Variants in NDUFS2 observed in about 807,000 individuals in gnomAD.
The protein encoded by NDUFS2 is NADH dehydrogenase [ubiquinone] iron-sulfur protein 2, mitochondrial.
Under a neutral mutation model 69.6 loss-of-function variants are expected in NDUFS2, and 38 were observed. The ratio of observed to expected loss-of-function variants is 0.55; its 90% CI spans 0.42 to 0.72. The LOEUF (loss-of-function observed/expected upper bound fraction) is 0.72, where lower values mean the gene tolerates loss of function less well. Among genes scored for constraint, NDUFS2 ranks in the 30% least tolerant of loss-of-function variants. NDUFS2 has a pLI of 0.00. For missense variants in NDUFS2, 468 were observed against 595.0 expected (o/e 0.79, Z 2.22); for synonymous variants, 194 against 211.2 (o/e 0.92, Z 0.70).
intron 10 of NDUFS2, 140 bp downstream of exon 10, chr1:161,212,620 T>C: frequency 8.7e-7 from 1 of 1,149,650 alleles, no homozygotes; most frequent in Non-Finnish European, 1.2e-6. Flanking sequence ...CAGACTGGAG[T>C]GCAATCTCGG....
At position 161,203,471 on chromosome 1, in the gene NDUFS2, G is replaced by T. The variant is rs1212665129; in HGVS notation, c.130G>T (p.Ala44Ser). 6.2e-7 allele frequency: 1 copy of T among 1,614,146 alleles called. No homozygotes were observed. The highest frequency in any genetic ancestry group is 1.1e-5 in the South Asian group (1 of 91,074). Residue 44 changes from alanine (A) to serine (S), a missense_variant, in exon 2 of 14, where the codon GCA becomes TCA. Physicochemically the swap from Ala to Ser is moderately conservative, Grantham distance 99 (BLOSUM62 1). Transcript: ENST00000676972. ...VRQWQPDVEWAQQFGGAVMYP... is the reference protein window; with the variant it reads ...VRQWQPDVEWSQQFGGAVMYP... ...GCAGTGGCAGCCAGATGTGGAATGG[G>T]CACAGCAGTTTGGGGGAGCTGTTAT... is the stretch of plus-strand genomic sequence containing the variant.
At chr1:161,208,097 T>C (rs1665574856) in intron 3 of NDUFS2, among the ~76,000 whole-genome samples, 1 of 151,244 alleles carries the variant, frequency 6.6e-6, no homozygotes, top group Admixed American at 6.6e-5. Context: ...CGAGTCTCGT[T>C]CCTCAGCCTC....
chr1:161,202,627 C>G, intron 1 of NDUFS2, 147 bp downstream of exon 1: 2 of 883,162 alleles, frequency 2.3e-6, no homozygotes, highest in Admixed American at 4.0e-5. Flanking sequence ...TGCAGTGGCG[C>G]CCACTCTGGC....
In NDUFS2 at chr1:161,214,305, T is replaced by A. The variant is rs914137783; in HGVS notation, c.*112T>A. On this transcript the variant is annotated 3_prime_UTR_variant, in exon 14 of 14. Transcript: ENST00000676972. The stretch of plus-strand genomic sequence containing the variant: ...TGTGTGTGTGTGTGTGTGTGTATGT[T>A]CATGTACACTTGGCTGTCAGGCTTT... 7.8e-6 allele frequency: 6 copies of A among 767,840 alleles called. No homozygotes were observed. Among genetic ancestry groups the A allele is most frequent in the Admixed American group, 5.3e-5 (2 of 37,900 alleles). The allele number at this position is 767,840 out of a possible 1,614,324, so 47.6% of individuals were successfully genotyped here. A position where few individuals can be genotyped will look rare whatever the true frequency, so the allele number is the denominator to read the frequency against.
intron 10 of NDUFS2, among the ~76,000 whole-genome samples, chr1:161,212,917 T>G (rs1015071760): frequency 2.0e-5 from 3 of 152,026 alleles, no homozygotes; most frequent in Non-Finnish European, 4.4e-5. Context: ...ATTTTTTTAT[T>G]TTTTTTGAGA....
chr1:161,209,740 A>G, intron 5 of NDUFS2, 117 bp from the exon 6 acceptor site: 1 of 1,306,900 alleles, frequency 7.7e-7, no homozygotes. Flanking sequence ...TTATATTTGT[A>G]GAAACTATAT....
rs766896258 is a variant in NDUFS2, at chr1:161,210,317, A to G, written c.794A>G (p.Asn265Ser). 6.8e-6 allele frequency: 11 copies of G among 1,613,868 alleles called. No individual in the cohort carries two copies. In the African/African-American group the frequency reaches 9.3e-5, roughly 14 times the overall value. ...LDELEELLTN[N>S]RIWRNRTIDI... ...CTTGATCAATAGTTGCTGACCAACAATAGGATCTGGCGAAATCGGACAATT... is the reference window on the plus strand; with the variant it reads ...CTTGATCAATAGTTGCTGACCAACAGTAGGATCTGGCGAAATCGGACAATT... Residue 265 changes from asparagine (N) to serine (S), a missense_variant, in exon 8 of 14, where the codon AAT (asparagine) becomes AGT (serine). Coordinates refer to ENST00000676972, the MANE Select transcript of NDUFS2 (RefSeq NM_001377299.1).
intron 1 of NDUFS2, 31 bp from the exon 2 acceptor site, chr1:161,203,406 C>A: frequency 6.3e-7 from 1 of 1,590,128 alleles, no homozygotes. Context: ...TGTTCAGGCC[C>A]TTTGTCTAGG....
At chr1:161,205,201 G>A (rs1476331953) in intron 2 of NDUFS2, among the ~76,000 whole-genome samples, 3 of 152,170 alleles carry the variant, frequency 2.0e-5, no homozygotes, top group Admixed American at 6.5e-5. Flanking sequence ...TCTATTTATA[G>A]CATTATTTTA....
rs1665674855 is a variant in NDUFS2, at chr1:161,209,879, T to C, written c.650T>C (p.Val217Ala). The C allele has an allele frequency of 6.2e-7, 1 of 1,613,746 alleles. No homozygotes were observed. Among genetic ancestry groups the C allele is most frequent in the African/African-American group, 1.3e-5 (1 of 74,782 alleles). Reference sequence around the variant, plus strand: ...AAGATGTTTGAGTTCTACGAGCGAGTGTCTGGAGCCCGAATGCATGCTGCT... The same window carrying C: ...AAGATGTTTGAGTTCTACGAGCGAGCGTCTGGAGCCCGAATGCATGCTGCT... ...REKMFEFYER[V>A]SGARMHAAYI... Residue 217 changes from valine to alanine, a missense_variant, in exon 6 of 14, where the codon GTG (valine) becomes GCG (alanine). Val to Ala is a moderately conservative substitution (Grantham distance 64). Transcript: ENST00000676972.
At chr1:161,210,513 C>G in intron 8 of NDUFS2, 78 bp from the exon 9 acceptor site, 1 of 1,609,374 alleles carries the variant, frequency 6.2e-7, no homozygotes, top group Non-Finnish European at 8.5e-7. Flanking sequence ...GAAGGATCAA[C>G]AAGGGAGGCT....
chr1:161,203,316 A>C, intron 1 of NDUFS2, 121 bp from the exon 2 acceptor site: 1 of 868,178 alleles, frequency 1.2e-6, no homozygotes, highest in Non-Finnish European at 1.9e-6. Flanking sequence ...CAAAAAAAAC[A>C]AAAAACAAAA....
At chr1:161,203,959 C>T in intron 2 of NDUFS2, 1 of 271,864 alleles carries the variant, frequency 3.7e-6, no homozygotes. Flanking sequence ...TAGCCCCTAT[C>T]CTGTTTGCTT....
At chr1:161,199,904 C>T (rs1167293996), upstream of NDUFS2, among the ~76,000 whole-genome samples, 1 of 150,968 alleles carries the variant, frequency 6.6e-6, no homozygotes, top group Non-Finnish European at 1.5e-5. Context: ...CTTCCTGACT[C>T]CCCATTTCCC....
rs1665187103 is a variant in NDUFS2 at position 161,202,437 on chromosome 1, C to T, written c.52C>T (p.Leu18=). 6.2e-7 allele frequency: 1 copy of T among 1,612,736 alleles called. No individual in the cohort carries two copies. The highest frequency in any genetic ancestry group is 1.3e-5 in the African/African-American group (1 of 74,924). Residue 18 remains leucine (L), a synonymous_variant, in exon 1 of 14, where the codon CTG becomes TTG. Transcript: ENST00000676972. ...CTTCCGGGGCGTCGCGGCCCAGGTG[C>T]TGCGGCCTGGGGCTGGAGTCCGATT... ...CGFRGVAAQV[L]RPGAGVRLPI...
At chr1:161,197,539 C>T (rs895244904), upstream of NDUFS2, 2 of 165,938 alleles carry the variant, frequency 1.2e-5, no homozygotes, top group Admixed American at 1.2e-4. Flanking sequence ...TGCAGTTTGC[C>T]ACAGTGATTT....
intron 13 of NDUFS2, 35 bp downstream of exon 13, chr1:161,213,956 A>G: frequency 6.2e-7 from 1 of 1,614,116 alleles, no homozygotes; most frequent in Non-Finnish European, 8.5e-7. Flanking sequence ...GGTATCCTAG[A>G]CAAAGGAGTT....
chr1:161,198,258 G>A, upstream of NDUFS2: 1 of 1,613,962 alleles, frequency 6.2e-7, no homozygotes, highest in Non-Finnish European at 8.5e-7. This position sits in a 1 kb window ranked among gnomAD's most constrained non-coding sequence, Gnocchi z 4.7. Context: ...TAGGTGCCAG[G>A]CTCTGCTCCA....
chr1:161,197,637 G>C (rs1016724949), upstream of NDUFS2: 28 of 241,106 alleles, frequency 1.2e-4, no homozygotes, highest in African/African-American at 5.6e-4. Context: ...AATCAAATTT[G>C]GAGCAGAGAA....
Sources: gnomAD v4.1 joint callset for allele counts (sites outside exome capture counted in the v4.1 genomes callset) on GRCh38, gnomAD v4.1.1 for gene constraint, Gnocchi (gnomAD v3.1) non-coding constraint, MANE v1.5 for transcripts, NCBI Gene and HGNC (gene_info 2026-07-23, HGNC 2026-07-21) for gene names.